NLRP2B: variants seen among roughly 807,000 people sequenced by gnomAD.
NLRP2B encodes the protein NLR family pyrin domain-containing protein 2B.
For synonymous variants in NLRP2B, 16 were observed against 3.5 expected, an observed-to-expected ratio of 4.63 and a Z score of -4.03; for missense variants, 25 against 6.8, an observed-to-expected ratio of 3.70 and a Z score of -3.00.
chrX:57,678,120 T>C lies in NLRP2B; in HGVS notation c.*2003A>G. 1 of 474,068 alleles carries C rather than the reference T, an allele frequency of 2.1e-6. No individual in the cohort carries two copies. 39.1% of individuals were successfully genotyped at this position (474,068 alleles called of 1,213,427 possible). The stretch of plus-strand genomic sequence containing the variant: ...TTTGTTCACACAGGATCCTTACTAA[T>C]GTGGCACCAAGAAAGCTATTATTGA... On this transcript the variant is annotated 3_prime_UTR_variant, in exon 1 of 1. Transcript: ENST00000434992.
rs374770230 is a variant in NLRP2B at position 57,679,364 on chromosome X, T to A, written c.*759A>T. 8.9e-6 allele frequency: 6 copies of A among 670,443 alleles called. No individual in the cohort carries two copies. The Admixed American group carries it at 1.4e-4, about 15-fold the overall frequency. 55.3% of individuals were successfully genotyped at this position (670,443 alleles called of 1,213,427 possible). ...TCCCAGTCCCCACAGATGTCCTAGA[T>A]CAGTGCCCCAGGTGGGGCTCCCAGC... is the stretch of plus-strand genomic sequence containing the variant. On this transcript the variant is annotated 3_prime_UTR_variant, in exon 1 of 1. Coordinates refer to ENST00000434992, the MANE Select transcript of NLRP2B (RefSeq NM_001319967.1).
At position 57,679,513 on chromosome X, in the gene NLRP2B, A is replaced by T; in HGVS notation, c.*610T>A. ...TGCAAAACTGCACGGGCCCAGGCAGATGAGCTCCTTGCAGGTGAGGTAGAA... is the reference window on the plus strand; with the variant it reads ...TGCAAAACTGCACGGGCCCAGGCAGTTGAGCTCCTTGCAGGTGAGGTAGAA... On this transcript the variant is annotated 3_prime_UTR_variant, in exon 1 of 1. Coordinates refer to ENST00000434992, the MANE Select transcript of NLRP2B (RefSeq NM_001319967.1). 2 of 736,615 alleles carry T rather than the reference A, an allele frequency of 2.7e-6. No individual in the cohort carries two copies. The highest frequency in any genetic ancestry group is 2.3e-5 in the Admixed American group (1 of 43,769). 60.7% of individuals were successfully genotyped at this position (736,615 alleles called of 1,213,427 possible). A position where few individuals can be genotyped will look rare whatever the true frequency, so the allele number is the denominator to read the frequency against.
At position 57,680,097 on chromosome X, in the gene NLRP2B, A is replaced by C; in HGVS notation, c.*26T>G. The C allele has an allele frequency of 2.2e-6, 1 of 450,115 alleles. No individual in the cohort carries two copies. The highest frequency in any genetic ancestry group is 3.0e-5 in the Admixed American group (1 of 33,024). 37.1% of individuals were successfully genotyped at this position (450,115 alleles called of 1,213,427 possible). On this transcript the variant is annotated 3_prime_UTR_variant, in exon 1 of 1. Transcript: ENST00000434992. ...GCAATGGCTGGTGATGATTTCTGCC[A>C]GTTGCTTCCCATCAGCCTTGTCTAC...
rs1163539397 is a variant in NLRP2B, at chrX:57,677,313, G to A, written c.*2810C>T. ...GGCTCAGGTCCAGAACGACGAGGCT[G>A]TGGTTGCAGCTGAGCACAGAGCAGA... On this transcript the variant is annotated 3_prime_UTR_variant, in exon 1 of 1. Coordinates refer to ENST00000434992, the MANE Select transcript of NLRP2B (RefSeq NM_001319967.1). 7.8e-6 allele frequency: 3 copies of A among 383,357 alleles called. No individual in the cohort carries two copies. 31.6% of individuals were successfully genotyped at this position (383,357 alleles called of 1,213,427 possible). A position where few individuals can be genotyped will look rare whatever the true frequency, so the allele number is the denominator to read the frequency against.
chrX:57,678,014 C>T lies in NLRP2B; in HGVS notation c.*2109G>A. On this transcript the variant is annotated 3_prime_UTR_variant, in exon 1 of 1. Transcript: ENST00000434992. ...CTTACAGTCTTGTGACCTCAAAGAG[C>T]TAGGCAGAGGTTCCGATAAGCATCA... 2 of 473,098 alleles carry T rather than the reference C, an allele frequency of 4.2e-6. No homozygotes were observed. Among genetic ancestry groups the T allele is most frequent in the Admixed American group, 6.0e-5 (2 of 33,515 alleles). The allele number at this position is 473,098 out of a possible 1,213,427, so 39.0% of individuals were successfully genotyped here. A position where few individuals can be genotyped will look rare whatever the true frequency, so the allele number is the denominator to read the frequency against.
chrX:57,678,530 G>C lies in NLRP2B; in HGVS notation c.*1593C>G. The stretch of plus-strand genomic sequence containing the variant: ...CACAGTAATTCCTTTTTGATCTCCG[G>C]TGACATCAGGCAGCCCAAAGTGGTC... On this transcript the variant is annotated 3_prime_UTR_variant, in exon 1 of 1. Coordinates refer to ENST00000434992, the MANE Select transcript of NLRP2B (RefSeq NM_001319967.1). 1 of 509,095 alleles carries C rather than the reference G, an allele frequency of 2.0e-6. No individual in the cohort carries two copies. The highest frequency in any genetic ancestry group is 3.6e-6 in the Non-Finnish European group (1 of 274,279). The allele number at this position is 509,095 out of a possible 1,213,427, so 42.0% of individuals were successfully genotyped here.
Position 57,678,545 on chromosome X carries a change from C to A in NLRP2B, c.*1578G>T. The A allele has an allele frequency of 2.0e-6, 1 of 504,348 alleles. No individual in the cohort carries two copies. Among genetic ancestry groups the A allele is most frequent in the Non-Finnish European group, 3.7e-6 (1 of 272,515 alleles). The allele number at this position is 504,348 out of a possible 1,213,427, so 41.6% of individuals were successfully genotyped here. On this transcript the variant is annotated 3_prime_UTR_variant, in exon 1 of 1. Coordinates refer to ENST00000434992, the MANE Select transcript of NLRP2B (RefSeq NM_001319967.1). ...TTGATCTCCGGTGACATCAGGCAGC[C>A]CAAAGTGGTCTCCAACTCCTTGGCT...
Position 57,677,424 on chromosome X carries a change from T to C in NLRP2B, c.*2699A>G. 1 of 346,955 alleles carries C rather than the reference T, an allele frequency of 2.9e-6. No individual in the cohort carries two copies. Among genetic ancestry groups the C allele is most frequent in the Non-Finnish European group, 5.6e-6 (1 of 179,472 alleles). 28.6% of individuals were successfully genotyped at this position (346,955 alleles called of 1,213,427 possible). ...ACAGTGGTTTCTTCAAAGCCTCACA[T>C]AGGAGCTTCACTCCAGTAACTCCTA... On this transcript the variant is annotated 3_prime_UTR_variant, in exon 1 of 1. Coordinates refer to ENST00000434992, the MANE Select transcript of NLRP2B (RefSeq NM_001319967.1).
chrX:57,677,420 C>T lies in NLRP2B; in HGVS notation c.*2703G>A, dbSNP rs1268694659. 8.7e-6 allele frequency: 3 copies of T among 344,721 alleles called. No individual in the cohort carries two copies. The highest frequency in any genetic ancestry group is 3.0e-5 in the Admixed American group (1 of 33,736). The allele number at this position is 344,721 out of a possible 1,213,427, so 28.4% of individuals were successfully genotyped here. A position where few individuals can be genotyped will look rare whatever the true frequency, so the allele number is the denominator to read the frequency against. On this transcript the variant is annotated 3_prime_UTR_variant, in exon 1 of 1. Coordinates refer to ENST00000434992, the MANE Select transcript of NLRP2B (RefSeq NM_001319967.1). The stretch of plus-strand genomic sequence containing the variant: ...TTACACAGTGGTTTCTTCAAAGCCT[C>T]ACATAGGAGCTTCACTCCAGTAACT...
Position 57,678,578 on chromosome X carries a change from C to T in NLRP2B, c.*1545G>A, listed in dbSNP as rs958726401. The T allele has an allele frequency of 1.0e-5, 5 of 486,026 alleles. No individual in the cohort carries two copies. The highest frequency in any genetic ancestry group is 2.8e-5 in the South Asian group (1 of 36,071). 40.1% of individuals were successfully genotyped at this position (486,026 alleles called of 1,213,427 possible). A position where few individuals can be genotyped will look rare whatever the true frequency, so the allele number is the denominator to read the frequency against. On this transcript the variant is annotated 3_prime_UTR_variant, in exon 1 of 1. Coordinates refer to ENST00000434992, the MANE Select transcript of NLRP2B (RefSeq NM_001319967.1). ...GTCTCCAACTCCTTGGCTTTCTTCT[C>T]GTTGGCGAAGCCGAATAAGAAGTGT...
At position 57,679,177 on chromosome X, in the gene NLRP2B, C is replaced by T; in HGVS notation, c.*946G>A. The T allele has an allele frequency of 2.1e-6, 1 of 471,413 alleles. No individual in the cohort carries two copies. Among genetic ancestry groups the T allele is most frequent in the Non-Finnish European group, 3.9e-6 (1 of 253,431 alleles). 38.8% of individuals were successfully genotyped at this position (471,413 alleles called of 1,213,427 possible). On this transcript the variant is annotated 3_prime_UTR_variant, in exon 1 of 1. Transcript: ENST00000434992. ...TGTCTCAGGAAATATGCCCTCCTGT[C>T]CTTCTCCAGGAACTCCTCCACCCTT...
At position 57,677,622 on chromosome X, in the gene NLRP2B, T is replaced by TG. The variant is rs370212038; in HGVS notation, c.*2500dup. 0.033 allele frequency: 10,149 copies of TG among 306,675 alleles called. 870 individuals are homozygous for TG. Among genetic ancestry groups the TG allele is most frequent in the African/African-American group, 0.25 (9,130 of 36,427 alleles). 25.3% of individuals were successfully genotyped at this position (306,675 alleles called of 1,213,427 possible). ...GAAACATCACCCATGTATCCCCGAG[T>TG]GGGGGGTTCTTGGCCAAGCACAGGT... On this transcript the variant is annotated 3_prime_UTR_variant, in exon 1 of 1. Coordinates refer to ENST00000434992, the MANE Select transcript of NLRP2B (RefSeq NM_001319967.1).
At position 57,678,252 on chromosome X, in the gene NLRP2B, T is replaced by G. The variant is rs747275003; in HGVS notation, c.*1871A>C. ...GGGATCTCTCAACTTCAGCATCTGA[T>G]TCAGACACAGTGACATTCTCTGGGA... is the stretch of plus-strand genomic sequence containing the variant. On this transcript the variant is annotated 3_prime_UTR_variant, in exon 1 of 1. Coordinates refer to ENST00000434992, the MANE Select transcript of NLRP2B (RefSeq NM_001319967.1). 2 of 538,931 alleles carry G rather than the reference T, an allele frequency of 3.7e-6. No individual in the cohort carries two copies. Among genetic ancestry groups the G allele is most frequent in the African/African-American group, 2.2e-5 (1 of 44,952 alleles). 44.4% of individuals were successfully genotyped at this position (538,931 alleles called of 1,213,427 possible). A position where few individuals can be genotyped will look rare whatever the true frequency, so the allele number is the denominator to read the frequency against.
rs1473551663 is a variant in NLRP2B at position 57,677,628 on chromosome X, G to T, written c.*2495C>A. ...TCACCCATGTATCCCCGAGTGGGGG[G>T]TTCTTGGCCAAGCACAGGTGTGTCA... is the stretch of plus-strand genomic sequence containing the variant. On this transcript the variant is annotated 3_prime_UTR_variant, in exon 1 of 1. Coordinates refer to ENST00000434992, the MANE Select transcript of NLRP2B (RefSeq NM_001319967.1). 2 of 314,752 alleles carry T rather than the reference G, an allele frequency of 6.4e-6. No individual in the cohort carries two copies. Among genetic ancestry groups the T allele is most frequent in the East Asian group, 1.5e-4 (2 of 13,626 alleles). 25.9% of individuals were successfully genotyped at this position (314,752 alleles called of 1,213,427 possible).
Position 57,679,167 on chromosome X carries a change from G to A in NLRP2B, c.*956C>T. ...GTCTCCAAAGTGTCTCAGGAAATAT[G>A]CCCTCCTGTCCTTCTCCAGGAACTC... On this transcript the variant is annotated 3_prime_UTR_variant, in exon 1 of 1. Transcript: ENST00000434992. 2.1e-6 allele frequency: 1 copy of A among 472,183 alleles called. No homozygotes were observed. Among genetic ancestry groups the A allele is most frequent in the Non-Finnish European group, 3.9e-6 (1 of 253,527 alleles). 38.9% of individuals were successfully genotyped at this position (472,183 alleles called of 1,213,427 possible).
In NLRP2B at chrX:57,678,268, T is replaced by C. The variant is rs1431841914; in HGVS notation, c.*1855A>G. 2 of 537,709 alleles carry C rather than the reference T, an allele frequency of 3.7e-6. No homozygotes were observed. The highest frequency in any genetic ancestry group is 4.5e-5 in the African/African-American group (2 of 44,319). The allele number at this position is 537,709 out of a possible 1,213,427, so 44.3% of individuals were successfully genotyped here. On this transcript the variant is annotated 3_prime_UTR_variant, in exon 1 of 1. Transcript: ENST00000434992. ...AGCATCTGATTCAGACACAGTGACA[T>C]TCTCTGGGAGCTTTGCCTTTGCTGC...
rs1023976088 is a variant in NLRP2B, at chrX:57,678,859, C to G, written c.*1264G>C. 5.4e-6 allele frequency: 2 copies of G among 367,458 alleles called. No individual in the cohort carries two copies. Among genetic ancestry groups the G allele is most frequent in the Admixed American group, 3.7e-5 (1 of 26,830 alleles). The allele number at this position is 367,458 out of a possible 1,213,427, so 30.3% of individuals were successfully genotyped here. A position where few individuals can be genotyped will look rare whatever the true frequency, so the allele number is the denominator to read the frequency against. On this transcript the variant is annotated 3_prime_UTR_variant, in exon 1 of 1. Coordinates refer to ENST00000434992, the MANE Select transcript of NLRP2B (RefSeq NM_001319967.1). ...GATGTTGAACTCCTGCACCCCGAGC[C>G]TCGCCAAGTCCTCTCCACGGAACAC...
At position 57,678,142 on chromosome X, in the gene NLRP2B, T is replaced by C. The variant is rs895774949; in HGVS notation, c.*1981A>G. The stretch of plus-strand genomic sequence containing the variant: ...TAATGTGGCACCAAGAAAGCTATTA[T>C]TGATTTCTAGAATGATCAGATCCTT... On this transcript the variant is annotated 3_prime_UTR_variant, in exon 1 of 1. Coordinates refer to ENST00000434992, the MANE Select transcript of NLRP2B (RefSeq NM_001319967.1). 1.2e-5 allele frequency: 6 copies of C among 482,048 alleles called. No homozygotes were observed. Among genetic ancestry groups the C allele is most frequent in the South Asian group, 2.8e-5 (1 of 35,307 alleles). The allele number at this position is 482,048 out of a possible 1,213,427, so 39.7% of individuals were successfully genotyped here. A position where few individuals can be genotyped will look rare whatever the true frequency, so the allele number is the denominator to read the frequency against.
chrX:57,679,272 G>T lies in NLRP2B; in HGVS notation c.*851C>A. On this transcript the variant is annotated 3_prime_UTR_variant, in exon 1 of 1. Transcript: ENST00000434992. ...CCGCAGGCCACGTGGTGACCAGCAC[G>T]GCGGCCCTGGGTAAAATCTTCCTCT... The T allele has an allele frequency of 2.1e-6, 1 of 467,047 alleles. No homozygotes were observed. Among genetic ancestry groups the T allele is most frequent in the Non-Finnish European group, 3.9e-6 (1 of 258,254 alleles). The allele number at this position is 467,047 out of a possible 1,213,427, so 38.5% of individuals were successfully genotyped here.
Sources: allele counts gnomAD v4.1 joint callset, GRCh38; gene constraint gnomAD v4.1.1; transcripts MANE v1.5; gene names NCBI Gene and HGNC (gene_info 2026-07-23, HGNC 2026-07-21).